MAML3: variants seen among roughly 807,000 people sequenced by gnomAD.
The protein encoded by MAML3 is mastermind-like protein 3.
In MAML3, 27 loss-of-function variants were observed where a neutral mutation model predicts 101.9. The observed-to-expected ratio is 0.27, with a 90% CI of 0.20 to 0.37. MAML3 has a LOEUF of 0.37. Among genes scored for constraint, MAML3 ranks in the 10% least tolerant of loss-of-function variants. The pLI is 1.00. For missense variants in MAML3, 1,316 were observed against 1,444.9 expected (o/e 0.91, Z 1.45); for synonymous variants, 501 against 555.9 (o/e 0.90, Z 1.39).
intron 2 of MAML3, among the ~76,000 whole-genome samples, chr4:139,851,600 T>C (rs1731552799): frequency 6.6e-6 from 1 of 152,248 alleles, no homozygotes; most frequent in South Asian, 2.1e-4. Context: ...TACTTGGCGA[T>C]ATGGGGCTAA....
At chr4:140,145,811 G>A (rs896130747) in intron 1 of MAML3, among the ~76,000 whole-genome samples, 23 of 150,416 alleles carry the variant, frequency 1.5e-4, no homozygotes, top group African/African-American at 4.2e-4. Context: ...TGATCTGCCC[G>A]CTCGGCCTCC....
intron 1 of MAML3, among the ~76,000 whole-genome samples, chr4:140,092,713 G>A (rs143071242): frequency 1.2e-3 from 177 of 152,258 alleles, no homozygotes; most frequent in Admixed American, 2.7e-3. Context: ...TTCCAGAGGC[G>A]GGTGGAGCCC....
chr4:139,935,129 C>A (rs1733479963), intron 1 of MAML3, among the ~76,000 whole-genome samples: 1 of 151,860 alleles, frequency 6.6e-6, no homozygotes. Context: ...CCCCCTTCCT[C>A]AGCAAGGCAC....
At chr4:140,135,135 A>T (rs1160318687) in intron 1 of MAML3, among the ~76,000 whole-genome samples, 2 of 152,222 alleles carry the variant, frequency 1.3e-5, no homozygotes. Context: ...AAGTGGAGTT[A>T]ATTAGACTTT....
Position 140,011,064 on chromosome 4 carries a change from C to T in MAML3, c.469-120097G>A, listed in dbSNP as rs1336738448. 8.9e-5 allele frequency among the ~76,000 whole-genome samples: 13 copies of T among 145,866 alleles called. No individual in the cohort carries two copies. In the South Asian group the frequency reaches 1.1e-3, roughly 12 times the overall value. Reference sequence around the variant, plus strand: ...GTGATCCAAGATTGCACTGCTTGCACTCTAGCCTGGGCGACAGGGCTAGAC... The same window carrying T: ...GTGATCCAAGATTGCACTGCTTGCATTCTAGCCTGGGCGACAGGGCTAGAC... On this transcript the variant is annotated intron_variant, in intron 1 of 4. Coordinates refer to ENST00000509479, the MANE Select transcript of MAML3 (RefSeq NM_018717.5).
intron 1 of MAML3, among the ~76,000 whole-genome samples, chr4:139,900,403 T>C (rs1020604058): frequency 6.6e-6 from 1 of 152,218 alleles, no homozygotes; most frequent in African/African-American, 2.4e-5. Context: ...CAACAACATA[T>C]TGGGAATGGA....
intron 4 of MAML3, among the ~76,000 whole-genome samples, chr4:139,723,991 C>T (rs1032683628): frequency 6.6e-6 from 1 of 152,178 alleles, no homozygotes; most frequent in Non-Finnish European, 1.5e-5. Context: ...CAAAGGAGGG[C>T]TCTGTATCTG....
At chr4:139,911,952 T>A (rs1054173333) in intron 1 of MAML3, among the ~76,000 whole-genome samples, 2 of 152,264 alleles carry the variant, frequency 1.3e-5, no homozygotes, top group African/African-American at 4.8e-5. Flanking sequence ...CCACACTTGG[T>A]TTATCCATTC....
Position 139,806,679 on chromosome 4 carries a change from A to G in MAML3, c.2080-76012T>C, listed in dbSNP as rs368815242. Among the ~76,000 whole-genome samples, 61 of 152,314 alleles carry G rather than the reference A, an allele frequency of 4.0e-4. No individual in the cohort carries two copies. In the South Asian group the frequency reaches 7.2e-3, roughly 18 times the overall value. On this transcript the variant is annotated intron_variant, in intron 2 of 4. Transcript: ENST00000509479. The stretch of plus-strand genomic sequence containing the variant: ...GATGTTCGTAAACAACAAAAGGTAA[A>G]CAACTAAAATGTTCAACAATAGGTG...
At chr4:139,911,277 G>A (rs557976001) in intron 1 of MAML3, among the ~76,000 whole-genome samples, 161 of 151,814 alleles carry the variant, frequency 1.1e-3, no homozygotes, top group Non-Finnish European at 2.1e-3. Flanking sequence ...CAGTGCAGTG[G>A]CGTAATCTCA....
At chr4:139,809,972 G>A (rs2111111195) in intron 2 of MAML3, among the ~76,000 whole-genome samples, 1 of 151,954 alleles carries the variant, frequency 6.6e-6, no homozygotes, top group African/African-American at 2.4e-5. Flanking sequence ...AACCTCTCAA[G>A]GGATCAAGAG....
At chr4:140,004,448 T>C (rs1726407494) in intron 1 of MAML3, among the ~76,000 whole-genome samples, 1 of 151,950 alleles carries the variant, frequency 6.6e-6, no homozygotes, top group African/African-American at 2.4e-5. Flanking sequence ...TCTTTGAAGC[T>C]CATAAGAAAC....
chr4:139,784,898 C>A lies in MAML3; in HGVS notation c.2080-54231G>T, dbSNP rs1178797636. Among the ~76,000 whole-genome samples, 5 of 151,526 alleles carry A rather than the reference C, an allele frequency of 3.3e-5. No homozygotes were observed. In the East Asian group the frequency reaches 9.7e-4, roughly 29 times the overall value. ...GTGGGAGCTAATGTGTGCACGTGGA[C>A]ATGGAGTGTGGAATGATAGACATTG... On this transcript the variant is annotated intron_variant, in intron 2 of 4. Transcript: ENST00000509479.
chr4:140,037,135 C>T (rs971433097), intron 1 of MAML3, among the ~76,000 whole-genome samples: 1 of 151,516 alleles, frequency 6.6e-6, no homozygotes, highest in Non-Finnish European at 1.5e-5. Flanking sequence ...CAGTAGATTA[C>T]TGGGAAAGTG....
chr4:140,000,712 A>G (rs1415296830), intron 1 of MAML3, among the ~76,000 whole-genome samples: 1 of 152,170 alleles, frequency 6.6e-6, no homozygotes, highest in African/African-American at 2.4e-5. Flanking sequence ...AACACCCTCA[A>G]TTGAAAAAGA....
intron 1 of MAML3, among the ~76,000 whole-genome samples, chr4:139,936,749 T>C (rs964597507): frequency 6.6e-5 from 10 of 152,154 alleles, no homozygotes; most frequent in African/African-American, 9.7e-5. Flanking sequence ...GAGATATCTT[T>C]GTTTGCCCTT....
intron 1 of MAML3, chr4:140,133,165 A>C: frequency 2.5e-6 from 1 of 394,962 alleles, no homozygotes; most frequent in Non-Finnish European, 5.0e-6. Flanking sequence ...AAAAGCCAAC[A>C]AAAAGAAAAA....
chr4:139,966,532 A>G (rs1233677283), intron 1 of MAML3, among the ~76,000 whole-genome samples: 2 of 152,230 alleles, frequency 1.3e-5, no homozygotes, highest in African/African-American at 2.4e-5. Context: ...CTAGTTTGAC[A>G]GGATTATTAA....
chr4:139,782,767 G>T (rs966480081), intron 2 of MAML3, among the ~76,000 whole-genome samples: 4 of 152,156 alleles, frequency 2.6e-5, no homozygotes, highest in Admixed American at 1.3e-4. Flanking sequence ...TATGGGTGAG[G>T]CTTCACTTAA....
Sources: gnomAD v4.1 joint callset for allele counts (sites outside exome capture counted in the v4.1 genomes callset) on GRCh38, gnomAD v4.1.1 for gene constraint, MANE v1.5 for transcripts, NCBI Gene and HGNC (gene_info 2026-07-23, HGNC 2026-07-21) for gene names.